The following KDM5D variants were observed in gnomAD, a reference collection of about 807,000 sequenced individuals.
KDM5D encodes lysine-specific demethylase 5D.
In KDM5D, 25 loss-of-function variants were observed where a neutral mutation model predicts 31.9. The observed-to-expected ratio is 0.78, with a 90% CI of 0.57 to 1.09. The LOEUF (loss-of-function observed/expected upper bound fraction) is 1.09, where lower values mean the gene tolerates loss of function less well. KDM5D is among the 50% of genes least tolerant of loss of function. The probability of loss-of-function intolerance (pLI) is 0.00; values close to 1 mark genes in which losing one functional copy is unlikely to be tolerated. For synonymous variants in KDM5D, 146 were observed against 122.3 expected (o/e 1.19, Z -1.28); for missense variants, 366 against 341.6 (o/e 1.07, Z -0.56).
chrY:19,719,062 T>G (rs1603545825), intron 13 of KDM5D, among the ~76,000 whole-genome samples: 1 of 29,631 alleles, frequency 3.4e-5, no homozygotes, highest in Non-Finnish European at 8.2e-5. Context: ...CCCAGCTACT[T>G]GGGAGGCTGA....
In KDM5D at chrY:19,716,371, T is replaced by C; in HGVS notation, c.1939A>G (p.Thr647Ala). The C allele has an allele frequency of 2.5e-6, 1 of 397,263 alleles. No homozygotes were observed. Among genetic ancestry groups the C allele is most frequent in the African/African-American group, 6.3e-5 (1 of 15,882 alleles). The change falls in exon 15 of 27, where the codon ACG (threonine) becomes GCG (alanine). Residue 647 changes from threonine to alanine, a missense_variant. Thr to Ala is a moderately conservative substitution (Grantham distance 58, BLOSUM62 0). Coordinates refer to ENST00000317961, the MANE Select transcript of KDM5D (RefSeq NM_004653.5). ...GCTACTGCTAGATTGAGATCCAACG[T>C]CTCTGGGAAGGCAGCCATCTTGCAG... ...LICKMAAFPE[T>A]LDLNLAVAVH...
intron 13 of KDM5D, among the ~76,000 whole-genome samples, chrY:19,719,467 A>G (rs2045377468): frequency 3.0e-5 from 1 of 33,642 alleles, no homozygotes; most frequent in Admixed American, 2.7e-4. Flanking sequence ...AGGCAGAAGA[A>G]AGAATCAGAA....
chrY:19,726,651 T>C (rs2045436358), intron 11 of KDM5D, among the ~76,000 whole-genome samples: 1 of 32,793 alleles, frequency 3.0e-5, no homozygotes, highest in Non-Finnish European at 7.5e-5. Context: ...GGCACATGCA[T>C]ACCTATGTAA....
chrY:19,718,911 C>T, intron 13 of KDM5D, among the ~76,000 whole-genome samples: 2 of 33,785 alleles, frequency 5.9e-5, no homozygotes, highest in Non-Finnish European at 1.5e-4. Context: ...TGGCTCACGC[C>T]TGTAATCCCA....
At position 19,744,499 on chromosome Y, in the gene KDM5D, C is replaced by T. The variant is rs1444668064; in HGVS notation, c.36G>A (p.Pro12=). Residue 12 remains proline (P), a synonymous_variant, in exon 2 of 27, where the codon CCG becomes CCA. Coordinates refer to ENST00000317961, the MANE Select transcript of KDM5D (RefSeq NM_004653.5). ...EPGCDEFLPP[P]ECPVFEPSWA... ...AGCTAGGCTCAAAAACCGGGCACTC[C>T]GGTGGCGGCAGGAACTCGTCACACC... is the stretch of plus-strand genomic sequence containing the variant. 2.5e-6 allele frequency: 1 copy of T among 396,635 alleles called. No homozygotes were observed. The highest frequency in any genetic ancestry group is 3.5e-6 in the Non-Finnish European group (1 of 282,104).
intron 19 of KDM5D, 76 bp from the exon 20 acceptor site, chrY:19,709,885 A>G (rs2045283706): frequency 2.7e-6 from 1 of 366,951 alleles, no homozygotes; most frequent in African/African-American, 6.6e-5. Flanking sequence ...TCCACTTCTC[A>G]TCTTCTCTTA....
At chrY:19,742,014 A>G in intron 3 of KDM5D, among the ~76,000 whole-genome samples, 157 bp from the exon 4 acceptor site, 1 of 33,287 alleles carries the variant, frequency 3.0e-5, no homozygotes, top group African/African-American at 1.2e-4. Flanking sequence ...CGGGGTCCAC[A>G]AAAAGCTCAA....
intron 11 of KDM5D, 45 bp from the exon 12 acceptor site, chrY:19,721,356 G>A (rs766639775): frequency 1.4e-5 from 4 of 294,576 alleles, no homozygotes; most frequent in Admixed American, 7.9e-5. Context: ...AGTAGGATAC[G>A]ATGAGGAGAG....
chrY:19,739,472 G>A, intron 6 of KDM5D, 56 bp downstream of exon 6: 1 of 343,041 alleles, frequency 2.9e-6, no homozygotes, highest in Non-Finnish European at 4.2e-6. Flanking sequence ...CCAATATCAA[G>A]GTCTAGATGA....
At position 19,707,658 on chromosome Y, in the gene KDM5D, G is replaced by A; in HGVS notation, c.3488C>T (p.Ala1163Val). ...RTNSAKPSPL[A>V]PSLMASSPTS... ...CGGAGAAGAGGCCATGAGGGATGGT[G>A]CCAGTGGACTGGGCTTGGCTGAGTT... Residue 1163 changes from alanine (A) to valine (V), a missense_variant, in exon 24 of 27, where the codon GCA becomes GTA. Coordinates refer to ENST00000317961, the MANE Select transcript of KDM5D (RefSeq NM_004653.5). The A allele has an allele frequency of 2.5e-6, 1 of 397,525 alleles. No individual in the cohort carries two copies. Among genetic ancestry groups the A allele is most frequent in the Non-Finnish European group, 3.5e-6 (1 of 282,809 alleles).
At chrY:19,742,594 G>A in intron 3 of KDM5D, among the ~76,000 whole-genome samples, 1 of 34,245 alleles carries the variant, frequency 2.9e-5, no homozygotes, top group Non-Finnish European at 7.3e-5. Flanking sequence ...GGAGGCCAAG[G>A]CAGGCTGATC....
intron 8 of KDM5D, among the ~76,000 whole-genome samples, chrY:19,733,333 T>A (rs765186855): frequency 1.9e-4 from 6 of 32,194 alleles, no homozygotes; most frequent in African/African-American, 7.3e-4. Context: ...TTTGAAAAAA[T>A]TACCTTCAAT....
In KDM5D at chrY:19,716,460, C is replaced by T; in HGVS notation, c.1850G>A (p.Arg617His). ...CCGGCGGTAGTGTTCAATGCACTGG[C>T]GTCCAGCAGGTAGCTGCAAGTGCGT... ...FCTADWLPAGRQCIEHYRRLR... is the reference protein window; with the variant it reads ...FCTADWLPAGHQCIEHYRRLR... The change falls in exon 15 of 27, where the codon CGC becomes CAC. Residue 617 changes from arginine to histidine, a missense_variant. By Grantham distance (29) the Arg-to-His change is conservative. Coordinates refer to ENST00000317961, the MANE Select transcript of KDM5D (RefSeq NM_004653.5). 1 of 398,857 alleles carries T rather than the reference C, an allele frequency of 2.5e-6. No homozygotes were observed. The highest frequency in any genetic ancestry group is 3.5e-6 in the Non-Finnish European group (1 of 283,239).
intron 21 of KDM5D, 108 bp downstream of exon 21, chrY:19,708,767 C>T: frequency 4.0e-6 from 1 of 249,801 alleles, no homozygotes; most frequent in Non-Finnish European, 6.3e-6. Context: ...CCTCCAACTT[C>T]CCACCTTCAC....
At chrY:19,741,672 T>C in intron 4 of KDM5D, 63 bp downstream of exon 4, 1 of 333,409 alleles carries the variant, frequency 3.0e-6, no homozygotes, top group Non-Finnish European at 4.4e-6. Context: ...CTATTGTTTC[T>C]ACCACAGAAG....
At position 19,708,491 on chromosome Y, in the gene KDM5D, A is replaced by T. The variant is rs2045267784; in HGVS notation, c.3082-68T>A. The T allele has an allele frequency of 6.0e-5, 13 of 217,572 alleles. No homozygotes were observed. The East Asian group carries it at 1.2e-3, about 20-fold the overall frequency. The allele number at this position is 217,572 out of a possible 400,897, so 54.3% of individuals were successfully genotyped here. A position where few individuals can be genotyped will look rare whatever the true frequency, so the allele number is the denominator to read the frequency against. ...TATTGTGTCTAAATTTGTCCTAAGTAATACTGGGTATTATACTGCATAATC... is the reference window on the plus strand; with the variant it reads ...TATTGTGTCTAAATTTGTCCTAAGTTATACTGGGTATTATACTGCATAATC... On this transcript the variant is annotated intron_variant, in intron 21 of 26. Transcript: ENST00000317961.
intron 18 of KDM5D, 151 bp from the exon 19 acceptor site, chrY:19,710,623 C>A: frequency 1.3e-5 from 2 of 158,538 alleles, no homozygotes; most frequent in East Asian, 2.4e-4. Context: ...TGAAAAAACA[C>A]CCGTAGGCGT....
chrY:19,707,159 G>A lies in KDM5D; in HGVS notation c.3987C>T (p.Asn1329=), dbSNP rs770571398. 2.5e-6 allele frequency: 1 copy of A among 396,961 alleles called. No homozygotes were observed. Among genetic ancestry groups the A allele is most frequent in the Non-Finnish European group, 3.5e-6 (1 of 282,279 alleles). ...CTGGAAAGCTCACCTTAGAAATATTGTTGCCACTGCCTTCTCTGATAGGGT... is the reference window on the plus strand; with the variant it reads ...CTGGAAAGCTCACCTTAGAAATATTATTGCCACTGCCTTCTCTGATAGGGT... ...ACDPIREGSG[N]NISKVQGLLE... is the part of the protein sequence containing the mutation. Residue 1329 remains asparagine, a synonymous_variant, in exon 24 of 27, where the codon AAC becomes AAT. Coordinates refer to ENST00000317961, the MANE Select transcript of KDM5D (RefSeq NM_004653.5).
Position 19,708,915 on chromosome Y carries a change from G to A in KDM5D, c.3041C>T (p.Thr1014Ile). ...PNIQALKEAL[T>I]KAQAWIADVD... ...ATCAGCAATCCAAGCTTGTGCCTTA[G>A]TCAGAGCTTCTTTGAGAGCCTGGAT... Residue 1014 changes from threonine (T) to isoleucine (I), a missense_variant, in exon 21 of 27, where the codon ACT becomes ATT. By Grantham distance (89) the Thr-to-Ile change is moderately conservative. Coordinates refer to ENST00000317961, the MANE Select transcript of KDM5D (RefSeq NM_004653.5). 2.5e-6 allele frequency: 1 copy of A among 397,893 alleles called. No individual in the cohort carries two copies. The highest frequency in any genetic ancestry group is 3.5e-6 in the Non-Finnish European group (1 of 282,483).
Sources: allele counts gnomAD v4.1 joint callset (sites outside exome capture counted in the v4.1 genomes callset), GRCh38; gene constraint gnomAD v4.1.1; transcripts MANE v1.5; gene names NCBI Gene and HGNC (gene_info 2026-07-23, HGNC 2026-07-21).